ZP2: variants seen among roughly 807,000 people sequenced by gnomAD.
ZP2 encodes the protein zona pellucida sperm-binding protein 2.
A neutral mutation model predicts 84.0 loss-of-function variants in ZP2; 51 were observed. That is an observed-to-expected ratio of 0.61 (90% CI 0.49 to 0.77). The LOEUF (loss-of-function observed/expected upper bound fraction) is 0.77, where lower values mean the gene tolerates loss of function less well. ZP2 is among the 30% of genes least tolerant of loss of function. The pLI, the probability that ZP2 is intolerant of heterozygous loss-of-function variation, is 0.00. For synonymous variants in ZP2, 375 were observed against 330.9 expected, an observed-to-expected ratio of 1.13 and a Z score of -1.45; for missense variants, 909 against 911.9, an observed-to-expected ratio of 1.00 and a Z score of 0.04.
chr16:21,213,108 A>G (rs1280414403), upstream of ZP2, among the ~76,000 whole-genome samples: 3 of 152,122 alleles, frequency 2.0e-5, no homozygotes, highest in African/African-American at 7.2e-5. Context: ...GCAGTGGCGC[A>G]ATCTTGGCTC....
upstream of ZP2, chr16:21,214,263 G>A (rs11861135): frequency 2.2e-5 from 22 of 985,094 alleles, no homozygotes; most frequent in Middle Eastern, 5.2e-4. Context: ...GACAGCCACC[G>A]AACAAATGGC....
intron 3 of ZP2, 99 bp from the exon 4 acceptor site, chr16:21,209,824 T>G: frequency 9.5e-7 from 1 of 1,057,582 alleles, no homozygotes; most frequent in Non-Finnish European, 1.5e-6. Context: ...CTAAGGTACT[T>G]CAGTCCCTTC....
intron 2 of ZP2, among the ~76,000 whole-genome samples, chr16:21,210,616 C>T (rs2093270333): frequency 1.3e-5 from 2 of 152,126 alleles, no homozygotes; most frequent in South Asian, 4.2e-4. Context: ...TCTCTGTCAC[C>T]CAGGCTGGAG....
Position 21,204,015 on chromosome 16 carries a change from G to A in ZP2, c.972+15C>T. Reference sequence around the variant, plus strand: ...CAGGACCCGGTGGAGTTCAGTGGTTGACAATTGAACATACTTTCGTTTTGA... The same window carrying A: ...CAGGACCCGGTGGAGTTCAGTGGTTAACAATTGAACATACTTTCGTTTTGA... On this transcript the variant is annotated intron_variant, in intron 9 of 18. Transcript: ENST00000574091. 1 of 1,610,696 alleles carries A rather than the reference G, an allele frequency of 6.2e-7. No individual in the cohort carries two copies. Among genetic ancestry groups the A allele is most frequent in the South Asian group, 1.1e-5 (1 of 91,060 alleles).
At position 21,201,841 on chromosome 16, in the gene ZP2, TTG is replaced by T; in HGVS notation, c.1380-13_1380-12del. ...CACTTCACTGTCATTCTGTAAGAGT[TTG>T]GAGGGAAGGTAGGTACAGAAAATTT... On this transcript the variant is annotated splice_polypyrimidine_tract_variant and intron_variant, in intron 12 of 18. Transcript: ENST00000574091. 6.2e-7 allele frequency: 1 copy of T among 1,613,954 alleles called. No homozygotes were observed.
intron 3 of ZP2, 46 bp downstream of exon 3, chr16:21,210,063 G>A (rs374988817): frequency 1.9e-6 from 3 of 1,556,906 alleles, no homozygotes; most frequent in Admixed American, 3.3e-5. Context: ...TAAGCCAAAG[G>A]CTGTCTGCTA....
chr16:21,214,424 C>T (rs2093284542), upstream of ZP2: 1 of 218,918 alleles, frequency 4.6e-6, no homozygotes, highest in African/African-American at 2.5e-5. Context: ...AAAGTTATTA[C>T]AAAAATGATT....
chr16:21,203,955 C>T (rs754083722), intron 9 of ZP2, 75 bp downstream of exon 9: 48 of 1,539,590 alleles, frequency 3.1e-5, no homozygotes, highest in East Asian at 6.8e-5. Flanking sequence ...AGTTATCAGC[C>T]GTATGAGGAC....
intron 2 of ZP2, 52 bp from the exon 3 acceptor site, chr16:21,210,244 C>G: frequency 7.0e-7 from 1 of 1,422,914 alleles, no homozygotes; most frequent in Non-Finnish European, 9.9e-7. Context: ...TGATGCAACT[C>G]CTACAAAAGT....
chr16:21,197,674 T>C (rs913306134), intron 18 of ZP2, 52 bp from the exon 19 acceptor site: 8 of 1,612,838 alleles, frequency 5.0e-6, no homozygotes, highest in Middle Eastern at 1.6e-4. Flanking sequence ...TAAGGGTAAG[T>C]GGAAGCCTTA....
chr16:21,210,245 C>T (rs1466199056), intron 2 of ZP2, 53 bp from the exon 3 acceptor site: 1 of 1,416,910 alleles, frequency 7.1e-7, no homozygotes, highest in Non-Finnish European at 1.0e-6. Context: ...GATGCAACTC[C>T]TACAAAAGTG....
intron 5 of ZP2, among the ~76,000 whole-genome samples, chr16:21,206,329 C>T (rs968156929): frequency 5.9e-5 from 9 of 152,186 alleles, no homozygotes; most frequent in African/African-American, 1.9e-4. Context: ...GCCCTTTCAC[C>T]AATGTCCATA....
rs748016729 is a variant in ZP2 at position 21,197,460 on chromosome 16, T to C, written c.*20A>G. On this transcript the variant is annotated 3_prime_UTR_variant, in exon 19 of 19. Transcript: ENST00000574091. ...TGGAAGGCAAGAGGCTTATTTTGAC[T>C]GCTTTATTTAGAAGCCCATTTAGTG... 9 of 1,613,282 alleles carry C rather than the reference T, an allele frequency of 5.6e-6. No individual in the cohort carries two copies. In the East Asian group the frequency reaches 1.8e-4, roughly 32 times the overall value.
In ZP2 at chr16:21,202,280, G is replaced by T. The variant is rs2093229939; in HGVS notation, c.1111C>A (p.Leu371Met). 1.3e-6 allele frequency: 2 copies of T among 1,520,412 alleles called. No individual in the cohort carries two copies. The highest frequency in any genetic ancestry group is 1.8e-6 in the Non-Finnish European group (2 of 1,138,500). 94.2% of individuals were successfully genotyped at this position (1,520,412 alleles called of 1,614,324 possible). The change falls in exon 11 of 19, where the codon CTG (leucine) becomes ATG (methionine). Residue 371 changes from leucine to methionine, a missense_variant. Physicochemically the swap from Leu to Met is conservative, Grantham distance 15. Transcript: ENST00000574091. ...ESPVSIVTGE[L>M]CTQDGFMDVE... The stretch of plus-strand genomic sequence containing the variant: ...TCCATAAACCCATCCTGGGTGCACA[G>T]CTCCCCTGTAACTAGACAGCGGTGA...
chr16:21,201,943 G>A lies in ZP2; in HGVS notation c.1368C>T (p.Asp456=). 1.2e-6 allele frequency: 2 copies of A among 1,613,934 alleles called. No individual in the cohort carries two copies. The highest frequency in any genetic ancestry group is 8.5e-7 in the Non-Finnish European group (1 of 1,179,866). The change falls in exon 12 of 19, where the codon GAC becomes GAT. Residue 456 remains aspartate (D), a synonymous_variant. Coordinates refer to ENST00000574091, the MANE Select transcript of ZP2 (RefSeq NM_001376232.1). ...TDFPPSKISR[D]SEFRMTVKCS... is the part of the protein sequence containing the mutation. ...CAATTTTATCTCACCTGAACTCACTGTCTCTAGATATTTTGCTTGGAGGAA... is the reference window on the plus strand; with the variant it reads ...CAATTTTATCTCACCTGAACTCACTATCTCTAGATATTTTGCTTGGAGGAA...
At chr16:21,206,115 A>C in intron 5 of ZP2, 1 of 325,444 alleles carries the variant, frequency 3.1e-6, no homozygotes, top group Non-Finnish European at 5.8e-6. Context: ...CTCCTGCCCC[A>C]GCCTCCCAAG....
intron 7 of ZP2, among the ~76,000 whole-genome samples, chr16:21,204,789 T>A (rs899988555): frequency 1.3e-5 from 2 of 152,212 alleles, no homozygotes; most frequent in Non-Finnish European, 2.9e-5. Context: ...GGACCTGTCC[T>A]AAGTACTTTA....
At position 21,201,393 on chromosome 16, in the gene ZP2, G is replaced by A. The variant is rs1233285435; in HGVS notation, c.1670C>T (p.Pro557Leu). ...ATSTMDPDSF[P>L]QWNVVVDGCA... ...CCCATCCACGACAACGTTCCACTGG[G>A]GGAAAGAGTCTGGATCCATGGTGGA... Residue 557 changes from proline (P) to leucine (L), a missense_variant, in exon 14 of 19, where the codon CCC (proline) becomes CTC (leucine). By Grantham distance (98) the Pro-to-Leu change is moderately conservative. Transcript: ENST00000574091. 1.3e-6 allele frequency: 2 copies of A among 1,591,830 alleles called. No individual in the cohort carries two copies. Among genetic ancestry groups the A allele is most frequent in the African/African-American group, 2.7e-5 (2 of 74,376 alleles).
chr16:21,209,686 A>G lies in ZP2; in HGVS notation c.275T>C (p.Leu92Pro). Residue 92 changes from leucine to proline, a missense_variant, in exon 4 of 19, where the codon CTG becomes CCG. Leu to Pro is a moderately conservative substitution (Grantham distance 98). Transcript: ENST00000574091. The stretch of plus-strand genomic sequence containing the variant: ...CCTCAGGGTGAGCTTTTCTGGGTCC[A>G]GGATGTAAGTGCAGTTCGGCATGTC... ...GLDMPNCTYI[L>P]DPEKLTLRAT... is the part of the protein sequence containing the mutation. 6.2e-7 allele frequency: 1 copy of G among 1,614,168 alleles called. No homozygotes were observed.
Sources: allele counts gnomAD v4.1 joint callset (sites outside exome capture counted in the v4.1 genomes callset), GRCh38; gene constraint gnomAD v4.1.1; transcripts MANE v1.5; gene names NCBI Gene and HGNC (gene_info 2026-07-23, HGNC 2026-07-21).